DUSP16: variants seen among roughly 807,000 people sequenced by gnomAD.
DUSP16 encodes the protein dual specificity protein phosphatase 16.
A neutral mutation model predicts 58.3 loss-of-function variants in DUSP16; 21 were observed. That is an observed-to-expected ratio of 0.36 (90% CI 0.26 to 0.52). The LOEUF is 0.52. Among genes scored for constraint, DUSP16 ranks in the 20% least tolerant of loss-of-function variants. The probability of loss-of-function intolerance (pLI) is 0.94; values close to 1 mark genes in which losing one functional copy is unlikely to be tolerated. For synonymous variants in DUSP16, 320 were observed against 323.8 expected (o/e 0.99, Z 0.12); for missense variants, 726 against 819.0 (o/e 0.89, Z 1.39).
intron 3 of DUSP16, among the ~76,000 whole-genome samples, chr12:12,516,421 T>A (rs1944155165): frequency 6.6e-6 from 1 of 152,244 alleles, no homozygotes; most frequent in Admixed American, 6.5e-5. Context: ...TTTACATTTT[T>A]AAAAATACAA....
At position 12,562,422 on chromosome 12, in the gene DUSP16, G is replaced by A. The variant is rs1944921148; in HGVS notation, c.-671C>T. 1 of 151,186 alleles carries A rather than the reference G, an allele frequency of 6.6e-6. No homozygotes were observed. Among genetic ancestry groups the A allele is most frequent in the Non-Finnish European group, 1.5e-5 (1 of 67,778 alleles). 9.4% of individuals were successfully genotyped at this position (151,186 alleles called of 1,614,324 possible). A position where few individuals can be genotyped will look rare whatever the true frequency, so the allele number is the denominator to read the frequency against. Reference sequence around the variant, plus strand: ...TCAGCCTTCAAAAAAAATGTCGAAAGAGATGAAGAACTTAGGGAGGTAAAG... The same window carrying A: ...TCAGCCTTCAAAAAAAATGTCGAAAAAGATGAAGAACTTAGGGAGGTAAAG... On this transcript the variant is annotated 5_prime_UTR_variant, in exon 1 of 7. Transcript: ENST00000298573.
chr12:12,543,147 C>A (rs1237391218), intron 1 of DUSP16, among the ~76,000 whole-genome samples: 2 of 152,104 alleles, frequency 1.3e-5, no homozygotes, highest in Non-Finnish European at 2.9e-5. Flanking sequence ...CTAGACAGTA[C>A]AATGCTATGA....
At chr12:12,487,316 G>A in intron 4 of DUSP16, 129 bp from the exon 5 acceptor site, 1 of 1,075,412 alleles carries the variant, frequency 9.3e-7, no homozygotes. Flanking sequence ...TCAGATCAGT[G>A]AAGTCCAAAA....
intron 3 of DUSP16, among the ~76,000 whole-genome samples, chr12:12,507,389 A>G (rs1293201358): frequency 1.3e-5 from 2 of 152,210 alleles, no homozygotes; most frequent in African/African-American, 2.4e-5. Context: ...ATCAACTGGC[A>G]GAGCCGCCTT....
intron 1 of DUSP16, among the ~76,000 whole-genome samples, chr12:12,561,761 GCGGCGGCCGCTCCTCT>G (rs1944907808): frequency 6.6e-6 from 1 of 151,892 alleles, no homozygotes; most frequent in Non-Finnish European, 1.5e-5. Flanking sequence ...GCCGCGTCCC[GCGGCGGCCGCTCCTCT>G]CGGCGGGGCC....
At position 12,520,870 on chromosome 12, in the gene DUSP16, C is replaced by T; in HGVS notation, c.228+1G>A. 6.2e-7 allele frequency: 1 copy of T among 1,614,092 alleles called. No individual in the cohort carries two copies. Among genetic ancestry groups the T allele is most frequent in the Non-Finnish European group, 8.5e-7 (1 of 1,179,972 alleles). On this transcript the variant is annotated splice_donor_variant, in intron 2 of 6. Transcript: ENST00000298573. LOFTEE classifies it high-confidence loss of function. ...GAAAAGGCAAAAAGGAAAGCGTTTA[C>T]CTTATGTTTCGCTGAATGCTGGATG...
At chr12:12,503,186 C>T (rs368000728) in intron 3 of DUSP16, among the ~76,000 whole-genome samples, 24 of 149,244 alleles carry the variant, frequency 1.6e-4, no homozygotes, top group African/African-American at 4.9e-4. Flanking sequence ...TTGTGCCTGG[C>T]GTATAGTAAA....
At chr12:12,513,682 C>G (rs574571423) in intron 3 of DUSP16, among the ~76,000 whole-genome samples, 3 of 152,150 alleles carry the variant, frequency 2.0e-5, no homozygotes, top group Admixed American at 6.6e-5. Flanking sequence ...ATAAGCCTGG[C>G]AGAGCCCTTT....
chr12:12,477,824 G>T lies in DUSP16; in HGVS notation c.1007C>A (p.Pro336His). ...AGAGTCGGCACAGGGTGGACTGAGGGGCGTCTCGCTTTTCTGTCCACCCTC... is the reference window on the plus strand; with the variant it reads ...AGAGTCGGCACAGGGTGGACTGAGGTGCGTCTCGCTTTTCTGTCCACCCTC... Reference protein sequence around the residue: ...VSEGGQKSETPLSPPCADSAT... With the variant: ...VSEGGQKSETHLSPPCADSAT... The change falls in exon 7 of 7, where the codon CCC becomes CAC. Residue 336 changes from proline (P) to histidine (H), a missense_variant. Coordinates refer to ENST00000298573, the MANE Select transcript of DUSP16 (RefSeq NM_030640.3). The surrounding 1 kb of genome is among the most constrained non-coding windows in gnomAD (Gnocchi z 4.1). 4 of 1,614,030 alleles carry T rather than the reference G, an allele frequency of 2.5e-6. No individual in the cohort carries two copies. Among genetic ancestry groups the T allele is most frequent in the Non-Finnish European group, 3.4e-6 (4 of 1,180,032 alleles).
In DUSP16 at chr12:12,502,574, G is replaced by T. The variant is rs141125318; in HGVS notation, c.368-1892C>A. ...CATTTTTTTTTTTTTTTTTTGAGAC[G>T]AAGTTTTGCTCTTGTTGCCCAGGCT... On this transcript the variant is annotated intron_variant, in intron 3 of 6. Transcript: ENST00000298573. Among the ~76,000 whole-genome samples the T allele has an allele frequency of 5.5e-3, 684 of 123,828 alleles. 6 individuals carry two copies. The highest frequency in any genetic ancestry group is 0.018 in the African/African-American group (624 of 34,502). 81.2% of individuals were successfully genotyped at this position (123,828 alleles called of 152,430 possible).
rs1943444843 is a variant in DUSP16, at chr12:12,476,720, T to C, written c.*113A>G. ...CCACCTGTTGCTTTTACACCATAGC[T>C]CCATTTTCCAAAAATATATATGTAT... On this transcript the variant is annotated 3_prime_UTR_variant, in exon 7 of 7. Coordinates refer to ENST00000298573, the MANE Select transcript of DUSP16 (RefSeq NM_030640.3). 1 of 962,700 alleles carries C rather than the reference T, an allele frequency of 1.0e-6. No homozygotes were observed. Among genetic ancestry groups the C allele is most frequent in the Non-Finnish European group, 1.5e-6 (1 of 664,040 alleles). The allele number at this position is 962,700 out of a possible 1,614,324, so 59.6% of individuals were successfully genotyped here.
chr12:12,513,034 T>A (rs1366370690), intron 3 of DUSP16, among the ~76,000 whole-genome samples: 1 of 152,242 alleles, frequency 6.6e-6, no homozygotes, highest in Non-Finnish European at 1.5e-5. Context: ...CACAGAACTG[T>A]CATCAGAATC....
chr12:12,511,771 C>G (rs1368708466), intron 3 of DUSP16, among the ~76,000 whole-genome samples: 5 of 152,012 alleles, frequency 3.3e-5, no homozygotes, highest in African/African-American at 1.2e-4. Context: ...ATCTTCACCC[C>G]CGAGAGCCCA....
At chr12:12,517,641 C>T (rs1944173107) in intron 3 of DUSP16, among the ~76,000 whole-genome samples, 1 of 152,190 alleles carries the variant, frequency 6.6e-6, no homozygotes. Context: ...ATTGGGAAGG[C>T]TTCTAATCAT....
Position 12,532,874 on chromosome 12 carries a change from G to A in DUSP16, c.-365-11411C>T, listed in dbSNP as rs529661762. ...GAGGCAGCAGAATCGCTTGAACCTG[G>A]GAGGCGGAGGTTGCAGTGAGCCGGG... On this transcript the variant is annotated intron_variant, in intron 1 of 6. Transcript: ENST00000298573. 4.6e-5 allele frequency among the ~76,000 whole-genome samples: 7 copies of A among 152,052 alleles called. No individual in the cohort carries two copies. In the East Asian group the frequency reaches 9.7e-4, roughly 21 times the overall value.
In DUSP16 at chr12:12,528,126, G is replaced by A. The variant is rs1343061562; in HGVS notation, c.-365-6663C>T. Among the ~76,000 whole-genome samples the A allele has an allele frequency of 3.3e-5, 5 of 152,036 alleles. No individual in the cohort carries two copies. In the East Asian group the frequency reaches 5.8e-4, roughly 18 times the overall value. The stretch of plus-strand genomic sequence containing the variant: ...CTGTTTATGATCACCTGTTTCACCC[G>A]CTTCCCCTTCCCTGACCCACCTGAG... On this transcript the variant is annotated intron_variant, in intron 1 of 6. Coordinates refer to ENST00000298573, the MANE Select transcript of DUSP16 (RefSeq NM_030640.3).
intron 1 of DUSP16, among the ~76,000 whole-genome samples, chr12:12,539,108 T>C (rs1944511916): frequency 6.6e-6 from 1 of 152,190 alleles, no homozygotes; most frequent in Non-Finnish European, 1.5e-5. Context: ...ATCCTTTACC[T>C]TCTCCTAAAA....
intron 4 of DUSP16, among the ~76,000 whole-genome samples, chr12:12,491,883 C>A (rs889440218): frequency 6.6e-6 from 1 of 152,174 alleles, no homozygotes; most frequent in South Asian, 2.1e-4. Flanking sequence ...AATCTGTAAA[C>A]CCCTGCAGGA....
At chr12:12,545,760 T>G (rs761939330) in intron 1 of DUSP16, among the ~76,000 whole-genome samples, 13 of 152,180 alleles carry the variant, frequency 8.5e-5, no homozygotes, top group South Asian at 2.1e-4. Flanking sequence ...GGTCAAATCT[T>G]AAGTTACCCT....
Sources: gnomAD v4.1 joint callset for allele counts (sites outside exome capture counted in the v4.1 genomes callset) on GRCh38, gnomAD v4.1.1 for gene constraint, Gnocchi (gnomAD v3.1) non-coding constraint, MANE v1.5 for transcripts, NCBI Gene and HGNC (gene_info 2026-07-23, HGNC 2026-07-21) for gene names.